Variants in INSL6 observed in about 807,000 individuals in gnomAD.
The protein encoded by INSL6 is insulin like 6.
Under a neutral mutation model 9.4 loss-of-function variants are expected in INSL6, and 16 were observed. The ratio of observed to expected loss-of-function variants is 1.70; its 90% CI spans 1.15 to 2.59. The LOEUF (loss-of-function observed/expected upper bound fraction) is 2.59, where lower values mean the gene tolerates loss of function less well. INSL6 is among the 30% of genes most tolerant of loss of function. The probability of loss-of-function intolerance (pLI) is 0.00; values close to 1 mark genes in which losing one functional copy is unlikely to be tolerated. For missense variants in INSL6, 391 were observed against 257.3 expected, an observed-to-expected ratio of 1.52 and a Z score of -3.56; for synonymous variants, 154 against 96.9, an observed-to-expected ratio of 1.59 and a Z score of -3.46.
downstream of INSL6, among the ~76,000 whole-genome samples, chr9:5,121,177 G>C (rs1463106637): frequency 6.6e-6 from 1 of 152,040 alleles, no homozygotes; most frequent in Non-Finnish European, 1.5e-5. Flanking sequence ...TTTCCACAAA[G>C]ATAGAAGGAA....
chr9:5,104,136 A>G, the INSL6 span, among the ~76,000 whole-genome samples: 4 of 152,250 alleles, frequency 2.6e-5, no homozygotes, highest in South Asian at 2.1e-4. Context: ...CTGGTTTTTC[A>G]AAAAGATCAA....
chr9:5,143,747 C>A (rs555096412), intron 2 of INSL6, among the ~76,000 whole-genome samples: 2 of 151,102 alleles, frequency 1.3e-5, no homozygotes, highest in Non-Finnish European at 2.9e-5. Context: ...ACAACCTCCA[C>A]CTGCTGGGTT....
chr9:5,055,519 A>T, the INSL6 span: 3 of 550,576 alleles, frequency 5.4e-6, no homozygotes. Flanking sequence ...GGTTAGATTG[A>T]TAGAGTAAAT....
chr9:5,021,878 C>T, the INSL6 span: 1 of 705,790 alleles, frequency 1.4e-6, no homozygotes, highest in Non-Finnish European at 2.4e-6. Flanking sequence ...AGCTATCTGC[C>T]CGCCTCGGCC....
chr9:5,172,433 T>C (rs747280537), intron 1 of INSL6, among the ~76,000 whole-genome samples: 2 of 152,204 alleles, frequency 1.3e-5, no homozygotes, highest in Middle Eastern at 3.4e-3. Context: ...CCAAAAGCAA[T>C]TGCAACAAAA....
chr9:5,054,470 TG>T, the INSL6 span: 1 of 1,071,362 alleles, frequency 9.3e-7, no homozygotes, highest in African/African-American at 1.6e-5. The surrounding 1 kb of genome is among the most constrained non-coding windows in gnomAD (Gnocchi z 4.9). Flanking sequence ...TACTTAATCA[TG>T]GAAAAAGGTG....
the INSL6 span, among the ~76,000 whole-genome samples, chr9:5,084,089 C>G: frequency 6.6e-6 from 1 of 151,972 alleles, no homozygotes; most frequent in African/African-American, 2.4e-5. Context: ...TTCCATAGTT[C>G]CGTGAGCTTA....
chr9:5,111,592 G>C, the INSL6 span: 1 of 366,666 alleles, frequency 2.7e-6, no homozygotes, highest in Non-Finnish European at 5.3e-6. Context: ...CCGAGCTCTG[G>C]AGTTCCCTGG....
the INSL6 span, among the ~76,000 whole-genome samples, chr9:5,064,147 C>T: frequency 6.6e-6 from 1 of 151,796 alleles, no homozygotes; most frequent in Admixed American, 6.6e-5. Flanking sequence ...CAGAGCAAGA[C>T]TCTGACTGGG....
the INSL6 span, chr9:5,098,005 A>G: frequency 1.9e-4 from 29 of 152,190 alleles, no homozygotes; most frequent in Non-Finnish European, 3.8e-4. Context: ...CATACACCGC[A>G]TGAAATATTA....
At chr9:5,169,109 A>G (rs2130910201) in intron 1 of INSL6, among the ~76,000 whole-genome samples, 1 of 152,208 alleles carries the variant, frequency 6.6e-6, no homozygotes, top group East Asian at 1.9e-4. Context: ...TATTTTTAGT[A>G]AAGACAGGGT....
the INSL6 span, among the ~76,000 whole-genome samples, chr9:5,105,156 A>T: frequency 1.3e-5 from 2 of 152,204 alleles, no homozygotes; most frequent in African/African-American, 4.8e-5. Flanking sequence ...ATATTTAGAA[A>T]ACTTGGTCAT....
chr9:5,047,092 G>C, the INSL6 span, among the ~76,000 whole-genome samples: 1 of 152,056 alleles, frequency 6.6e-6, no homozygotes, highest in African/African-American at 2.4e-5. Flanking sequence ...TGTCTAGATA[G>C]TACCACAAGC....
At chr9:5,042,114 G>A in the INSL6 span, among the ~76,000 whole-genome samples, 4 of 149,244 alleles carry the variant, frequency 2.7e-5, no homozygotes, top group South Asian at 4.2e-4. Context: ...CGTAAGACTG[G>A]CCAAAATTTC....
the INSL6 span, chr9:5,040,884 C>G: frequency 1.4e-5 from 4 of 286,020 alleles, no homozygotes; most frequent in African/African-American, 4.6e-5. Flanking sequence ...ATCCGCGCCG[C>G]GCTGCTGAAG....
the INSL6 span, among the ~76,000 whole-genome samples, chr9:5,016,791 T>A: frequency 1.3e-5 from 2 of 152,152 alleles, no homozygotes; most frequent in Non-Finnish European, 2.9e-5. Flanking sequence ...TTATCCTAAC[T>A]TTTTTTCACC....
the INSL6 span, among the ~76,000 whole-genome samples, chr9:5,067,754 T>A: frequency 6.6e-6 from 1 of 152,148 alleles, no homozygotes; most frequent in African/African-American, 2.4e-5. Flanking sequence ...AGGAAACTTA[T>A]CTACTGGACA....
At chr9:5,013,915 G>C in the INSL6 span, among the ~76,000 whole-genome samples, 2 of 152,106 alleles carry the variant, frequency 1.3e-5, no homozygotes, top group African/African-American at 4.8e-5. Flanking sequence ...TGTCATGTAA[G>C]TAGTTTGCAA....
chr9:5,112,566 G>A, the INSL6 span: 1 of 646,264 alleles, frequency 1.5e-6, no homozygotes, highest in Non-Finnish European at 2.7e-6. Flanking sequence ...ACGCCAGGGA[G>A]CGGCTGCGGG....
Sources: allele counts gnomAD v4.1 joint callset (sites outside exome capture counted in the v4.1 genomes callset), GRCh38; gene constraint gnomAD v4.1.1; non-coding constraint Gnocchi (gnomAD v3.1); transcripts MANE v1.5; gene names NCBI Gene and HGNC (gene_info 2026-07-23, HGNC 2026-07-21).